The following ABCA5 variants were observed in gnomAD, a reference collection of about 807,000 sequenced individuals.
The protein encoded by ABCA5 is ATP binding cassette subfamily A member 5, also known as cholesterol transporter ABCA5.
ABCA5 carries 163 observed loss-of-function variants against 206.0 expected under a neutral mutation model. That is an observed-to-expected ratio of 0.79 (90% CI 0.70 to 0.90). ABCA5 has a LOEUF of 0.90. Among genes scored for constraint, ABCA5 ranks in the 40% least tolerant of loss-of-function variants. The probability of loss-of-function intolerance (pLI) is 0.00; values close to 1 mark genes in which losing one functional copy is unlikely to be tolerated. For missense variants in ABCA5, 1,859 were observed against 1,912.9 expected (o/e 0.97, Z 0.53); for synonymous variants, 609 against 613.8 (o/e 0.99, Z 0.11).
chr17:69,287,827 A>C lies in ABCA5; in HGVS notation c.1903-76T>G, dbSNP rs190087523. On this transcript the variant is annotated intron_variant, in intron 14 of 38. Coordinates refer to ENST00000392676, the MANE Select transcript of ABCA5 (RefSeq NM_172232.4). ...ATTAAACAGGCATGTGGACACTAAA[A>C]AACTGCCCCATTTCAAATTATTATT... 1.5e-4 allele frequency: 198 copies of C among 1,306,684 alleles called. 2 individuals are homozygous for C. In the East Asian group the frequency reaches 4.5e-3, roughly 30 times the overall value. 80.9% of individuals were successfully genotyped at this position (1,306,684 alleles called of 1,614,324 possible).
intron 5 of ABCA5, 62 bp downstream of exon 5, chr17:69,308,218 A>C: frequency 9.0e-7 from 1 of 1,111,674 alleles, no homozygotes; most frequent in Non-Finnish European, 1.3e-6. Flanking sequence ...TATTGTAAAG[A>C]ATAAGGAAAT....
chr17:69,311,351 T>A (rs964021986), intron 3 of ABCA5, among the ~76,000 whole-genome samples: 7 of 152,208 alleles, frequency 4.6e-5, no homozygotes, highest in African/African-American at 1.7e-4. Flanking sequence ...TCATGTTATG[T>A]ATGTATGCAT....
intron 1 of ABCA5, among the ~76,000 whole-genome samples, chr17:69,324,467 A>G (rs2075885280): frequency 1.3e-5 from 2 of 152,340 alleles, no homozygotes; most frequent in Non-Finnish European, 2.9e-5. Flanking sequence ...TTGGGAATGG[A>G]TTATGAAGTT....
At chr17:69,318,694 T>C (rs1283632492) in intron 1 of ABCA5, 3 of 488,472 alleles carry the variant, frequency 6.1e-6, no homozygotes, top group African/African-American at 5.9e-5. Flanking sequence ...CTTCCAGCAT[T>C]CCATTCCAAG....
rs542139987 is a variant in ABCA5, at chr17:69,262,238, T to G, written c.3316-490A>C. Among the ~76,000 whole-genome samples, 5 of 152,304 alleles carry G rather than the reference T, an allele frequency of 3.3e-5. No homozygotes were observed. In the East Asian group the frequency reaches 7.7e-4, roughly 24 times the overall value. On this transcript the variant is annotated intron_variant, in intron 24 of 38. Coordinates refer to ENST00000392676, the MANE Select transcript of ABCA5 (RefSeq NM_172232.4). ...GCTATATTTTATTTTAAGTAATTTCTAGTTTTACTTTAGAATCAGGGGATA... is the reference window on the plus strand; with the variant it reads ...GCTATATTTTATTTTAAGTAATTTCGAGTTTTACTTTAGAATCAGGGGATA...
At position 69,284,024 on chromosome 17, in the gene ABCA5, T is replaced by C. The variant is rs1350601886; in HGVS notation, c.2321A>G (p.Tyr774Cys). The C allele has an allele frequency of 2.5e-6, 4 of 1,606,030 alleles. No individual in the cohort carries two copies. The highest frequency in any genetic ancestry group is 1.7e-5 in the Admixed American group (1 of 58,736). ...DSHSNLGVIS[Y>C]GVSMTTLEDV... ...TTCCAAAGTCGTCATGGAAACACCA[T>C]AAGAAATGACACCCAAATTTGAATG... The change falls in exon 18 of 39, where the codon TAT becomes TGT. Residue 774 changes from tyrosine to cysteine, a missense_variant. Coordinates refer to ENST00000392676, the MANE Select transcript of ABCA5 (RefSeq NM_172232.4).
chr17:69,313,327 G>C, intron 2 of ABCA5, 31 bp from the exon 3 acceptor site: 1 of 1,031,474 alleles, frequency 9.7e-7, no homozygotes, highest in Non-Finnish European at 1.4e-6. Flanking sequence ...TAATTACAAA[G>C]TATAACAATG....
rs765548248 is a variant in ABCA5 at position 69,259,694 on chromosome 17, A to C, written c.3731+12T>G. 8.4e-6 allele frequency: 13 copies of C among 1,556,256 alleles called. No individual in the cohort carries two copies. Among genetic ancestry groups the C allele is most frequent in the Non-Finnish European group, 1.1e-5 (13 of 1,134,076 alleles). On this transcript the variant is annotated intron_variant, in intron 28 of 38. Coordinates refer to ENST00000392676, the MANE Select transcript of ABCA5 (RefSeq NM_172232.4). ...ACTAAAAACATTTAAAATTTTTAAAAAATCAACTGACCTGAAAAAGGGATC... is the reference window on the plus strand; with the variant it reads ...ACTAAAAACATTTAAAATTTTTAAACAATCAACTGACCTGAAAAAGGGATC...
chr17:69,299,449 A>G (rs932731684), intron 9 of ABCA5, among the ~76,000 whole-genome samples: 15 of 92,640 alleles, frequency 1.6e-4, no homozygotes, highest in Non-Finnish European at 3.4e-4. Flanking sequence ...GATAAAGAAA[A>G]TGTGATACAC....
At chr17:69,262,486 T>C (rs2075160091) in intron 24 of ABCA5, among the ~76,000 whole-genome samples, 1 of 152,162 alleles carries the variant, frequency 6.6e-6, no homozygotes, top group African/African-American at 2.4e-5. Flanking sequence ...CATGCAATAG[T>C]TGGTTTTCTG....
rs183248894 is a variant in ABCA5, at chr17:69,256,351, T to A, written c.3732-68A>T. ...TAATTAAAATAGTAAGAAATTCAGA[T>A]ACTAGGTAGAGAAAAGACTGAAAAA... On this transcript the variant is annotated intron_variant, in intron 28 of 38. Transcript: ENST00000392676. 6.6e-6 allele frequency: 7 copies of A among 1,066,562 alleles called. 1 individual carries two copies. Among genetic ancestry groups the A allele is most frequent in the Non-Finnish European group, 8.9e-6 (7 of 786,696 alleles). The allele number at this position is 1,066,562 out of a possible 1,614,324, so 66.1% of individuals were successfully genotyped here.
At chr17:69,325,473 T>C (rs1417036508) in intron 1 of ABCA5, among the ~76,000 whole-genome samples, 1 of 152,222 alleles carries the variant, frequency 6.6e-6, no homozygotes, top group Non-Finnish European at 1.5e-5. Context: ...AAAACTATTT[T>C]TAATCCAACT....
rs934815013 is a variant in ABCA5 at position 69,255,649 on chromosome 17, A to G, written c.3977-15T>C. Reference sequence around the variant, plus strand: ...TAAGATCTCTCCTAAAGGAATTGAAAGAAAAAAAAATCATAATCAAATCAT... The same window carrying G: ...TAAGATCTCTCCTAAAGGAATTGAAGGAAAAAAAAATCATAATCAAATCAT... On this transcript the variant is annotated splice_polypyrimidine_tract_variant and intron_variant, in intron 30 of 38. Transcript: ENST00000392676. 2.5e-6 allele frequency: 4 copies of G among 1,574,078 alleles called. No individual in the cohort carries two copies. The highest frequency in any genetic ancestry group is 2.1e-5 in the Admixed American group (1 of 46,972).
chr17:69,294,529 A>G, intron 11 of ABCA5, 126 bp downstream of exon 11: 1 of 907,068 alleles, frequency 1.1e-6, no homozygotes, highest in Non-Finnish European at 1.7e-6. Flanking sequence ...CTCAAAAAAA[A>G]TAAAATAAAA....
chr17:69,271,139 T>C (rs892730294), intron 21 of ABCA5, 23 bp downstream of exon 21: 1 of 1,598,446 alleles, frequency 6.3e-7, no homozygotes, highest in Non-Finnish European at 8.5e-7. Flanking sequence ...CAAATGGATA[T>C]TCATTCACTG....
At chr17:69,306,338 G>C (rs907395976) in intron 6 of ABCA5, among the ~76,000 whole-genome samples, 11 of 151,982 alleles carry the variant, frequency 7.2e-5, no homozygotes, top group African/African-American at 2.7e-4. Context: ...GCTATATTAT[G>C]GAAGAACTGT....
chr17:69,289,282 T>C lies in ABCA5; in HGVS notation c.1797A>G (p.Leu599=). 3.1e-6 allele frequency: 5 copies of C among 1,590,452 alleles called. No homozygotes were observed. The highest frequency in any genetic ancestry group is 3.4e-6 in the Non-Finnish European group (4 of 1,170,778). ...NNIIQEVQKV[L]LDLDMQTIKD... Reference sequence around the variant, plus strand: ...TGATAGTCTGCATGTCTAAATCTAGTAAAACCTTCTGCACCTGTAAAAGTA... The same window carrying C: ...TGATAGTCTGCATGTCTAAATCTAGCAAAACCTTCTGCACCTGTAAAAGTA... Residue 599 remains leucine, a synonymous_variant, in exon 14 of 39, where the codon TTA becomes TTG. Transcript: ENST00000392676.
intron 35 of ABCA5, 80 bp downstream of exon 35, chr17:69,251,667 T>C: frequency 6.6e-7 from 1 of 1,518,686 alleles, no homozygotes; most frequent in East Asian, 2.4e-5. Context: ...TACTAACTAT[T>C]GCCATGTTTT....
chr17:69,303,856 G>GTATATA (rs374761352), intron 7 of ABCA5, among the ~76,000 whole-genome samples: 1 of 27,342 alleles, frequency 3.7e-5, no homozygotes, highest in African/African-American at 1.4e-4. Context: ...ATATATATAT[G>GTATATA]TATATATATA....
Sources: allele counts gnomAD v4.1 joint callset (sites outside exome capture counted in the v4.1 genomes callset), GRCh38; gene constraint gnomAD v4.1.1; transcripts MANE v1.5; gene names NCBI Gene and HGNC (gene_info 2026-07-23, HGNC 2026-07-21).